OR6N1: variants seen among roughly 807,000 people sequenced by gnomAD.
The protein encoded by OR6N1 is olfactory receptor family 6 subfamily N member 1, also known as olfactory receptor 6N1.
For synonymous variants in OR6N1, 170 were observed against 150.7 expected, an observed-to-expected ratio of 1.13 and a Z score of -0.94; for missense variants, 394 against 371.7, an observed-to-expected ratio of 1.06 and a Z score of -0.49.
chr1:158,839,140 C>T, the OR6N1 span, among the ~76,000 whole-genome samples: 1 of 151,966 alleles, frequency 6.6e-6, no homozygotes, highest in Non-Finnish European at 1.5e-5. Flanking sequence ...TTACCTGTTT[C>T]TTTGTATACC....
the OR6N1 span, among the ~76,000 whole-genome samples, chr1:158,820,760 C>T: frequency 6.6e-6 from 1 of 152,322 alleles, no homozygotes; most frequent in South Asian, 2.1e-4. Flanking sequence ...ACTTCTGAAA[C>T]TTCCCTAGAG....
the OR6N1 span, among the ~76,000 whole-genome samples, chr1:158,800,641 C>T: frequency 6.6e-6 from 1 of 152,128 alleles, no homozygotes; most frequent in East Asian, 1.9e-4. Flanking sequence ...TATGCTACTC[C>T]ACACACATTG....
chr1:158,825,387 C>T, the OR6N1 span, among the ~76,000 whole-genome samples: 20 of 150,158 alleles, frequency 1.3e-4, 1 homozygote, highest in East Asian at 3.7e-3. Context: ...TGCAGTGAGC[C>T]AAGATTGTGC....
chr1:158,766,234 A>G lies in OR6N1; in HGVS notation c.449T>C (p.Leu150Ser). The G allele has an allele frequency of 1.9e-6, 3 of 1,614,130 alleles. No homozygotes were observed. The highest frequency in any genetic ancestry group is 2.5e-6 in the Non-Finnish European group (3 of 1,180,032). Residue 150 changes from leucine to serine, a missense_variant, in exon 2 of 2, where the codon TTG (leucine) becomes TCG (serine). Coordinates refer to ENST00000641846, the MANE Select transcript of OR6N1 (RefSeq NM_001005185.2). Reference sequence around the variant, plus strand: ...AACTACTGGCCCAGCCAAGCCTCCCAACCAACAGCCAATGGCAATCTCTGC... The same window carrying G: ...AACTACTGGCCCAGCCAAGCCTCCCGACCAACAGCCAATGGCAATCTCTGC... ...LCAEIAIGCW[L>S]GGLAGPVVEI...
chr1:158,788,176 A>G, the OR6N1 span, among the ~76,000 whole-genome samples: 1 of 152,238 alleles, frequency 6.6e-6, no homozygotes, highest in Non-Finnish European at 1.5e-5. Flanking sequence ...TAGAAGAAGC[A>G]TAAAAATATA....
chr1:158,773,568 T>G (rs1319613601), upstream of OR6N1, among the ~76,000 whole-genome samples: 1 of 152,208 alleles, frequency 6.6e-6, no homozygotes, highest in Non-Finnish European at 1.5e-5. Context: ...TAACAAAGAT[T>G]CTCAATTTCA....
upstream of OR6N1, chr1:158,776,688 A>G (rs370211620): frequency 2.8e-5 from 45 of 1,585,102 alleles, no homozygotes; most frequent in African/African-American, 5.1e-4. Context: ...AAAGTCAAAG[A>G]TGAGCAAGAC....
the OR6N1 span, among the ~76,000 whole-genome samples, chr1:158,801,234 G>A: frequency 6.6e-6 from 1 of 151,874 alleles, no homozygotes; most frequent in Non-Finnish European, 1.5e-5. Flanking sequence ...AAAAGGTGGG[G>A]GTGGCGGTGG....
chr1:158,774,211 C>T (rs748227258), upstream of OR6N1: 2 of 152,050 alleles, frequency 1.3e-5, no homozygotes, highest in Non-Finnish European at 2.9e-5. Flanking sequence ...CTGTATATAG[C>T]AAAAATAGTA....
the OR6N1 span, among the ~76,000 whole-genome samples, chr1:158,791,035 T>C: frequency 2.1e-4 from 32 of 152,378 alleles, no homozygotes; most frequent in Admixed American, 1.7e-3. Context: ...CACAGGTTTT[T>C]GTTTTTAATT....
chr1:158,771,859 G>A (rs1256486436), intron 1 of OR6N1, among the ~76,000 whole-genome samples, 162 bp downstream of exon 1: 3 of 152,220 alleles, frequency 2.0e-5, no homozygotes, highest in Non-Finnish European at 4.4e-5. Flanking sequence ...CATTTGAAAA[G>A]CAGAATATCT....
rs1372171031 is a variant in OR6N1 at position 158,765,114 on chromosome 1, A to G, written c.*630T>C. The G allele has an allele frequency of 6.6e-6, 1 of 152,224 alleles. No homozygotes were observed. The highest frequency in any genetic ancestry group is 1.5e-5 in the Non-Finnish European group (1 of 68,036). 9.4% of individuals were successfully genotyped at this position (152,224 alleles called of 1,614,324 possible). On this transcript the variant is annotated 3_prime_UTR_variant, in exon 2 of 2. Transcript: ENST00000641846. ...ATTTACTATCACCTACATGTCAGACACTGTGCACTGTGGTTTACAAATCTT... is the reference window on the plus strand; with the variant it reads ...ATTTACTATCACCTACATGTCAGACGCTGTGCACTGTGGTTTACAAATCTT...
At chr1:158,814,314 G>C in the OR6N1 span, among the ~76,000 whole-genome samples, 4 of 152,060 alleles carry the variant, frequency 2.6e-5, no homozygotes, top group African/African-American at 9.7e-5. Flanking sequence ...CTGTGTGTGT[G>C]TATGTATATA....
At position 158,765,488 on chromosome 1, in the gene OR6N1, T is replaced by C. The variant is rs1272301663; in HGVS notation, c.*256A>G. 1 of 375,358 alleles carries C rather than the reference T, an allele frequency of 2.7e-6. No homozygotes were observed. Among genetic ancestry groups the C allele is most frequent in the Non-Finnish European group, 4.8e-6 (1 of 207,950 alleles). 23.3% of individuals were successfully genotyped at this position (375,358 alleles called of 1,614,324 possible). On this transcript the variant is annotated 3_prime_UTR_variant, in exon 2 of 2. Transcript: ENST00000641846. ...AAAACCTAAGTGTGATACATAAACA[T>C]CTGAGTTTTGAAAATCACTGCACTA...
chr1:158,771,665 G>T (rs959919251), intron 1 of OR6N1, among the ~76,000 whole-genome samples: 1 of 152,152 alleles, frequency 6.6e-6, no homozygotes, highest in Non-Finnish European at 1.5e-5. Flanking sequence ...CCAAAGATCT[G>T]GGGGTAAGAA....
chr1:158,799,268 C>T, the OR6N1 span, among the ~76,000 whole-genome samples: 4 of 152,250 alleles, frequency 2.6e-5, no homozygotes, highest in East Asian at 5.8e-4. Context: ...AAAGAAATGA[C>T]GAACGTACCC....
the OR6N1 span, among the ~76,000 whole-genome samples, chr1:158,783,072 A>C: frequency 6.6e-6 from 1 of 152,210 alleles, no homozygotes; most frequent in Non-Finnish European, 1.5e-5. Flanking sequence ...AATCACAATA[A>C]ACATGTAACT....
chr1:158,793,947 T>C, the OR6N1 span, among the ~76,000 whole-genome samples: 2 of 152,058 alleles, frequency 1.3e-5, no homozygotes, highest in Non-Finnish European at 2.9e-5. Flanking sequence ...CATCGGAAAA[T>C]TGATCCTTCT....
chr1:158,832,657 TAGTG>T, the OR6N1 span, among the ~76,000 whole-genome samples: 1 of 151,690 alleles, frequency 6.6e-6, no homozygotes, highest in African/African-American at 2.4e-5. Context: ...TACCATTATG[TAGTG>T]AAACTATGTA....
Sources: gnomAD v4.1 joint callset for allele counts (sites outside exome capture counted in the v4.1 genomes callset) on GRCh38, gnomAD v4.1.1 for gene constraint, MANE v1.5 for transcripts, NCBI Gene and HGNC (gene_info 2026-07-23, HGNC 2026-07-21) for gene names.